Variants in DIPK2A observed in about 807,000 individuals in gnomAD.
DIPK2A encodes the protein Golgi Protein of 49 kDa.
In DIPK2A, 27 loss-of-function variants were observed where a neutral mutation model predicts 39.0. The ratio of observed to expected loss-of-function variants is 0.69; its 90% CI spans 0.51 to 0.96. The LOEUF (loss-of-function observed/expected upper bound fraction) is 0.96, where lower values mean the gene tolerates loss of function less well. DIPK2A is among the 40% of genes least tolerant of loss of function. The pLI, the probability that DIPK2A is intolerant of heterozygous loss-of-function variation, is 0.00. For synonymous variants in DIPK2A, 298 were observed against 240.8 expected, an observed-to-expected ratio of 1.24 and a Z score of -2.20; for missense variants, 528 against 571.3, an observed-to-expected ratio of 0.92 and a Z score of 0.77.
chr3:143,982,200 G>T (rs1402641870), intron 1 of DIPK2A, among the ~76,000 whole-genome samples: 1 of 152,140 alleles, frequency 6.6e-6, no homozygotes, highest in Non-Finnish European at 1.5e-5. Context: ...TTATGAATTA[G>T]AAATTACTAG....
chr3:143,981,356 C>T (rs2087826648), intron 1 of DIPK2A, among the ~76,000 whole-genome samples: 1 of 152,116 alleles, frequency 6.6e-6, no homozygotes, highest in South Asian at 2.1e-4. Flanking sequence ...ATGATCTGGT[C>T]CTTGCTTCAC....
intron 1 of DIPK2A, among the ~76,000 whole-genome samples, chr3:143,974,470 A>G (rs532066152): frequency 2.0e-5 from 3 of 152,240 alleles, no homozygotes; most frequent in Non-Finnish European, 4.4e-5. Flanking sequence ...GTCAGTCTCT[A>G]AAGGTTTAGC....
rs9829385 is a variant in DIPK2A, at chr3:143,988,822, T to C, written c.962-688T>C. Among the ~76,000 whole-genome samples, 1,264 of 152,330 alleles carry C rather than the reference T, an allele frequency of 8.3e-3. 12 individuals carry two copies. Among genetic ancestry groups the C allele is most frequent in the South Asian group, 0.016 (79 of 4,826 alleles). On this transcript the variant is annotated intron_variant, in intron 2 of 2. Coordinates refer to ENST00000315691, the MANE Select transcript of DIPK2A (RefSeq NM_173552.5). ...TAAACTTTACCCATATACTTAATTATTTTTGCCTGAAATGTTTCTCCAATC... is the reference window on the plus strand; with the variant it reads ...TAAACTTTACCCATATACTTAATTACTTTTGCCTGAAATGTTTCTCCAATC...
At chr3:143,985,936 T>G in intron 2 of DIPK2A, 90 bp downstream of exon 2, 1 of 1,053,162 alleles carries the variant, frequency 9.5e-7, no homozygotes, top group Non-Finnish European at 1.4e-6. Context: ...TTGAATTTCC[T>G]CCTTAGATGG....
At position 143,990,787 on chromosome 3, in the gene DIPK2A, G is replaced by C. The variant is rs2087973535; in HGVS notation, c.*946G>C. On this transcript the variant is annotated 3_prime_UTR_variant, in exon 3 of 3. Coordinates refer to ENST00000315691, the MANE Select transcript of DIPK2A (RefSeq NM_173552.5). ...CATGTTTAGAATTTAAAATAGAATT[G>C]GTCAGCTACTTATTCTTACCACCCT... The C allele has an allele frequency of 1.3e-5, 2 of 152,450 alleles. No individual in the cohort carries two copies. Among genetic ancestry groups the C allele is most frequent in the Non-Finnish European group, 1.5e-5 (1 of 67,962 alleles). The allele number at this position is 152,450 out of a possible 1,614,324, so 9.4% of individuals were successfully genotyped here.
rs771395903 is a variant in DIPK2A, at chr3:143,972,411, C to T, written c.79C>T (p.Leu27=). The stretch of plus-strand genomic sequence containing the variant: ...GGCGGCGCTGGGCAGCCTGTTGGTG[C>T]TGATGGTGCTGCACTCGCCGTCGCT... ...KLAALGSLLV[L]MVLHSPSLLA... The change falls in exon 1 of 3, where the codon CTG becomes TTG. Residue 27 remains leucine, a synonymous_variant. Coordinates refer to ENST00000315691, the MANE Select transcript of DIPK2A (RefSeq NM_173552.5). 9 of 1,521,492 alleles carry T rather than the reference C, an allele frequency of 5.9e-6. No homozygotes were observed. In the South Asian group the frequency reaches 7.6e-5, roughly 13 times the overall value. The allele number at this position is 1,521,492 out of a possible 1,614,324, so 94.2% of individuals were successfully genotyped here. A position where few individuals can be genotyped will look rare whatever the true frequency, so the allele number is the denominator to read the frequency against.
chr3:143,978,627 T>TCTATATATATATCTATATAG (rs1559854117), intron 1 of DIPK2A: 3 of 33,218 alleles, frequency 9.0e-5, no homozygotes, highest in Non-Finnish European at 1.5e-4. Context: ...TATATCTATA[T>TCTATATATATATCTATATAG]ATATATATAT....
Position 143,973,144 on chromosome 3 carries a change from C to A in DIPK2A, c.657+155C>A, listed in dbSNP as rs1403378455. On this transcript the variant is annotated intron_variant, in intron 1 of 2. Transcript: ENST00000315691. ...GGGAAGGGGCGTCTCCGGGGGAGCCCCGGGGCTGTGCAGGGAGGCCGAGGG... is the reference window on the plus strand; with the variant it reads ...GGGAAGGGGCGTCTCCGGGGGAGCCACGGGGCTGTGCAGGGAGGCCGAGGG... 3.4e-6 allele frequency: 4 copies of A among 1,166,890 alleles called. No homozygotes were observed. The South Asian group carries it at 5.3e-5, about 15-fold the overall frequency. The allele number at this position is 1,166,890 out of a possible 1,614,324, so 72.3% of individuals were successfully genotyped here. A position where few individuals can be genotyped will look rare whatever the true frequency, so the allele number is the denominator to read the frequency against.
rs1202930756 is a variant in DIPK2A at position 143,972,149 on chromosome 3, C to T, written c.-184C>T. ...CTAGTGACTGGGAGAAGTCGCAGCC[C>T]GCTCAGGCCCGCGCCTTCCCGCTCC... On this transcript the variant is annotated 5_prime_UTR_variant, in exon 1 of 3. Coordinates refer to ENST00000315691, the MANE Select transcript of DIPK2A (RefSeq NM_173552.5). 1.1e-5 allele frequency: 5 copies of T among 449,338 alleles called. No homozygotes were observed. Among genetic ancestry groups the T allele is most frequent in the Non-Finnish European group, 1.9e-5 (5 of 267,118 alleles). The allele number at this position is 449,338 out of a possible 1,614,324, so 27.8% of individuals were successfully genotyped here.
chr3:143,978,467 T>G (rs2087761538), intron 1 of DIPK2A: 1 of 152,198 alleles, frequency 6.6e-6, no homozygotes, highest in African/African-American at 2.4e-5. Flanking sequence ...ACAAGGCATT[T>G]GGATTGAAAG....
chr3:143,989,569 G>T lies in DIPK2A; in HGVS notation c.1021G>T (p.Ala341Ser), dbSNP rs761474979. The change falls in exon 3 of 3, where the codon GCT becomes TCT. Residue 341 changes from alanine (A) to serine (S), a missense_variant. Physicochemically the swap from Ala to Ser is moderately conservative, Grantham distance 99 (BLOSUM62 1). Coordinates refer to ENST00000315691, the MANE Select transcript of DIPK2A (RefSeq NM_173552.5). ...ESKFDDCDKE[A>S]CLSFSKEILC... ...CAAGTTTGATGACTGTGATAAGGAG[G>T]CTTGCTTATCATTTTCAAAAGAAAT... 9 of 1,614,110 alleles carry T rather than the reference G, an allele frequency of 5.6e-6. No individual in the cohort carries two copies. Among genetic ancestry groups the T allele is most frequent in the Middle Eastern group, 1.6e-4 (1 of 6,084 alleles).
chr3:143,975,172 T>C (rs1230966125), intron 1 of DIPK2A, among the ~76,000 whole-genome samples: 20 of 152,120 alleles, frequency 1.3e-4, no homozygotes, highest in Non-Finnish European at 1.6e-4. Flanking sequence ...GGTTTGTAAA[T>C]TACATTTTTA....
At position 143,991,648 on chromosome 3, in the gene DIPK2A, A is replaced by C. The variant is rs768104090; in HGVS notation, c.*1807A>C. On this transcript the variant is annotated 3_prime_UTR_variant, in exon 3 of 3. Coordinates refer to ENST00000315691, the MANE Select transcript of DIPK2A (RefSeq NM_173552.5). ...ACACATTAGTGCATTGCGTATATCA[A>C]CTGGCCCTCAATGAAGCATTTAAGT... The C allele has an allele frequency of 3.3e-5, 5 of 152,624 alleles. No individual in the cohort carries two copies. The highest frequency in any genetic ancestry group is 6.5e-5 in the Admixed American group (1 of 15,288). 9.5% of individuals were successfully genotyped at this position (152,624 alleles called of 1,614,324 possible). A position where few individuals can be genotyped will look rare whatever the true frequency, so the allele number is the denominator to read the frequency against.
chr3:143,972,359 G>A lies in DIPK2A; in HGVS notation c.27G>A (p.Leu9=). Residue 9 remains leucine, a synonymous_variant, in exon 1 of 3, where the codon CTG becomes CTA. Coordinates refer to ENST00000315691, the MANE Select transcript of DIPK2A (RefSeq NM_173552.5). The part of the protein sequence containing the change: MWRLVPPK[L]GRLSRSLKLA... ...TGTGGCGCCTGGTGCCCCCGAAGCT[G>A]GGCCGCCTGTCCCGCTCGCTGAAGC... 7.2e-7 allele frequency: 1 copy of A among 1,380,788 alleles called. No homozygotes were observed. The allele number at this position is 1,380,788 out of a possible 1,614,324, so 85.5% of individuals were successfully genotyped here. A position where few individuals can be genotyped will look rare whatever the true frequency, so the allele number is the denominator to read the frequency against.
At chr3:143,977,763 T>A (rs2087751062) in intron 1 of DIPK2A, among the ~76,000 whole-genome samples, 2 of 152,106 alleles carry the variant, frequency 1.3e-5, no homozygotes, top group South Asian at 4.1e-4. Context: ...CCATTGACAC[T>A]TTTGATTGCT....
At chr3:143,987,951 C>G (rs2087929036) in intron 2 of DIPK2A, among the ~76,000 whole-genome samples, 4 of 152,156 alleles carry the variant, frequency 2.6e-5, no homozygotes, top group Admixed American at 1.3e-4. Context: ...AACCTTCCTT[C>G]TTTTGGAATA....
At chr3:143,985,210 TGAA>T (rs1341089508) in intron 1 of DIPK2A, among the ~76,000 whole-genome samples, 3 of 152,168 alleles carry the variant, frequency 2.0e-5, no homozygotes, top group Non-Finnish European at 2.9e-5. Context: ...TTTACACAAG[TGAA>T]GAAGATAAGG....
chr3:143,973,953 G>C (rs1324701000), intron 1 of DIPK2A, among the ~76,000 whole-genome samples: 1 of 152,130 alleles, frequency 6.6e-6, no homozygotes, highest in African/African-American at 2.4e-5. Flanking sequence ...CGGTGTCCTT[G>C]AACAGTGATT....
chr3:143,979,605 A>C (rs915129602), intron 1 of DIPK2A, among the ~76,000 whole-genome samples: 4 of 152,132 alleles, frequency 2.6e-5, no homozygotes, highest in Non-Finnish European at 4.4e-5. Flanking sequence ...ATCTGTATAT[A>C]CCCCTGGGAC....
Sources: allele counts gnomAD v4.1 joint callset (sites outside exome capture counted in the v4.1 genomes callset), GRCh38; gene constraint gnomAD v4.1.1; transcripts MANE v1.5; gene names NCBI Gene and HGNC (gene_info 2026-07-23, HGNC 2026-07-21).